CASKIN1: variants seen among roughly 807,000 people sequenced by gnomAD.
The protein encoded by CASKIN1 is caskin-1.
A neutral mutation model predicts 117.5 loss-of-function variants in CASKIN1; 42 were observed. The ratio of observed to expected loss-of-function variants is 0.36; its 90% CI spans 0.28 to 0.46. CASKIN1 has a LOEUF of 0.46. CASKIN1 is among the 20% of genes least tolerant of loss of function. The pLI is 1.00. For synonymous variants in CASKIN1, 1,148 were observed against 961.7 expected, an observed-to-expected ratio of 1.19 and a Z score of -3.59; for missense variants, 2,083 against 2,077.3, an observed-to-expected ratio of 1.00 and a Z score of -0.05.
intron 1 of CASKIN1, among the ~76,000 whole-genome samples, chr16:2,194,552 C>T (rs2093210408): frequency 6.6e-6 from 1 of 152,314 alleles, no homozygotes; most frequent in East Asian, 1.9e-4. Context: ...CCCCCCACCT[C>T]GTGGCCCAAA....
intron 16 of CASKIN1, among the ~76,000 whole-genome samples, chr16:2,183,008 C>T (rs2093172860): frequency 6.6e-6 from 1 of 152,192 alleles, no homozygotes; most frequent in South Asian, 2.1e-4. Context: ...AGGATGGTCT[C>T]GATCTCTTGA....
chr16:2,189,184 G>T (rs753026988), intron 5 of CASKIN1, 27 bp from the exon 6 acceptor site: 19 of 1,612,430 alleles, frequency 1.2e-5, no homozygotes, highest in Non-Finnish European at 1.6e-5. Context: ...GGGTAGGGGG[G>T]TCCTGATGTG....
chr16:2,184,779 T>G lies in CASKIN1; in HGVS notation c.1414A>C (p.Lys472Gln), dbSNP rs1032757225. ...GAGAACACCCCCAAGCCCTGTACCT[T>G]GCCCTCCGATGCTGGCTCCAGCTTC... ...PKKLEPASEG[K>Q]SSEAVSQWLT... Residue 472 changes from lysine to glutamine, a missense_variant and splice_region_variant, in exon 14 of 20, where the codon AAG becomes CAG. Physicochemically the swap from Lys to Gln is moderately conservative, Grantham distance 53. Coordinates refer to ENST00000343516, the MANE Select transcript of CASKIN1 (RefSeq NM_020764.4). 21 of 1,517,868 alleles carry G rather than the reference T, an allele frequency of 1.4e-5. No homozygotes were observed. In the African/African-American group the frequency reaches 2.8e-4, roughly 20 times the overall value. The allele number at this position is 1,517,868 out of a possible 1,614,324, so 94.0% of individuals were successfully genotyped here.
At position 2,190,698 on chromosome 16, in the gene CASKIN1, G is replaced by A. The variant is rs112912866; in HGVS notation, c.95-340C>T. Reference sequence around the variant, plus strand: ...ACATGTGCACGCACACCCCTCCCTCGGGACACTGGCTGAGCACCTGCCAAT... The same window carrying A: ...ACATGTGCACGCACACCCCTCCCTCAGGACACTGGCTGAGCACCTGCCAAT... On this transcript the variant is annotated intron_variant, in intron 1 of 19. Transcript: ENST00000343516. 1.3e-3 allele frequency among the ~76,000 whole-genome samples: 201 copies of A among 152,288 alleles called. 1 individual carries two copies. The highest frequency in any genetic ancestry group is 4.7e-3 in the African/African-American group (197 of 41,576).
intron 6 of CASKIN1, among the ~76,000 whole-genome samples, chr16:2,187,745 C>T (rs904833977): frequency 3.3e-5 from 5 of 152,172 alleles, no homozygotes; most frequent in South Asian, 2.1e-4. Context: ...CCTCAGCCTC[C>T]GGAGTAGCTG....
At chr16:2,187,644 G>A (rs8045282) in intron 6 of CASKIN1, among the ~76,000 whole-genome samples, 183 bp from the exon 7 acceptor site, 319 of 152,194 alleles carry the variant, frequency 2.1e-3, no homozygotes, top group African/African-American at 7.4e-3. Context: ...TTTTTGAGAC[G>A]GAGTTTCACC....
At position 2,179,285 on chromosome 16, in the gene CASKIN1, G is replaced by A; in HGVS notation, c.3816C>T (p.Pro1272=). 1 of 1,222,234 alleles carries A rather than the reference G, an allele frequency of 8.2e-7. No individual in the cohort carries two copies. Among genetic ancestry groups the A allele is most frequent in the South Asian group, 4.0e-5 (1 of 24,822 alleles). 75.7% of individuals were successfully genotyped at this position (1,222,234 alleles called of 1,614,324 possible). Reference sequence around the variant, plus strand: ...GCGCTGTGGGCGGCGGCGGCGGCTTGGGAGACACGGGCGGTGGCGTGCCGT... The same window carrying A: ...GCGCTGTGGGCGGCGGCGGCGGCTTAGGAGACACGGGCGGTGGCGTGCCGT... The part of the protein sequence containing the change: ...RAHGTPPPVS[P]KPPPPPTAPK... The change falls in exon 19 of 20, where the codon CCC becomes CCT. Residue 1272 remains proline, a synonymous_variant. Transcript: ENST00000343516. The surrounding 1 kb of genome is among the most constrained non-coding windows in gnomAD (Gnocchi z 5.8).
chr16:2,183,987 G>A (rs776770647), intron 14 of CASKIN1, 46 bp from the exon 15 acceptor site: 20 of 1,338,578 alleles, frequency 1.5e-5, no homozygotes, highest in African/African-American at 2.9e-5. Context: ...GCCCGGCCGC[G>A]CCCTGCCACC....
rs185182678 is a variant in CASKIN1 at position 2,184,903 on chromosome 16, C to T, written c.1325-35G>A. ...AGAGTGGGTGGGGGACAAGGGCTGT[C>T]GGGCTGCTTTCCTCCATCGGGCTGC... On this transcript the variant is annotated intron_variant, in intron 13 of 19. Coordinates refer to ENST00000343516, the MANE Select transcript of CASKIN1 (RefSeq NM_020764.4). 240 of 1,578,728 alleles carry T rather than the reference C, an allele frequency of 1.5e-4. No homozygotes were observed. The East Asian group carries it at 4.4e-3, about 29-fold the overall frequency.
intron 11 of CASKIN1, 53 bp downstream of exon 11, chr16:2,185,254 G>A (rs1596689817): frequency 1.7e-5 from 28 of 1,600,550 alleles, no homozygotes; most frequent in East Asian, 9.0e-5. Context: ...CTGGCCCCAC[G>A]GTGGTGCCTT....
chr16:2,194,874 G>A (rs2093211190), intron 1 of CASKIN1, among the ~76,000 whole-genome samples: 1 of 152,220 alleles, frequency 6.6e-6, no homozygotes, highest in Non-Finnish European at 1.5e-5. Flanking sequence ...GTCCAAGACT[G>A]CGGTCATTGC....
rs1001087704 is a variant in CASKIN1, at chr16:2,196,204, T to A, written c.94+135A>T. Reference sequence around the variant, plus strand: ...GCGGGTGGAGGGCACGGACCAAGGGTCTGGGCGCTGCTGGCCCCGCCCCGC... The same window carrying A: ...GCGGGTGGAGGGCACGGACCAAGGGACTGGGCGCTGCTGGCCCCGCCCCGC... On this transcript the variant is annotated intron_variant, in intron 1 of 19. Coordinates refer to ENST00000343516, the MANE Select transcript of CASKIN1 (RefSeq NM_020764.4). The surrounding 1 kb of genome is among the most constrained non-coding windows in gnomAD (Gnocchi z 5.7). The A allele has an allele frequency of 5.1e-5, 13 of 257,192 alleles. No individual in the cohort carries two copies. Among genetic ancestry groups the A allele is most frequent in the Non-Finnish European group, 9.3e-5 (13 of 140,522 alleles). The allele number at this position is 257,192 out of a possible 1,614,324, so 15.9% of individuals were successfully genotyped here. A position where few individuals can be genotyped will look rare whatever the true frequency, so the allele number is the denominator to read the frequency against.
At position 2,178,786 on chromosome 16, in the gene CASKIN1, A is replaced by ACGCCCATCTCTGCCGAGCCC. The variant is rs756029590; in HGVS notation, c.4199+96_4199+115dup. 1.2e-3 allele frequency: 1,551 copies of ACGCCCATCTCTGCCGAGCCC among 1,291,608 alleles called. 47 individuals carry two copies. Among genetic ancestry groups the ACGCCCATCTCTGCCGAGCCC allele is most frequent in the African/African-American group, 9.8e-3 (554 of 56,582 alleles). 80.0% of individuals were successfully genotyped at this position (1,291,608 alleles called of 1,614,324 possible). A position where few individuals can be genotyped will look rare whatever the true frequency, so the allele number is the denominator to read the frequency against. On this transcript the variant is annotated intron_variant, in intron 19 of 19. Transcript: ENST00000343516. ...ACCTCGGCGGAGCCCCGCTCACGGC[A>ACGCCCATCTCTGCCGAGCCC]CGCCCATCTCTGCCGAGCCCCGCCC... is the stretch of plus-strand genomic sequence containing the variant.
Position 2,180,255 on chromosome 16 carries a change from C to T in CASKIN1, c.3113G>A (p.Gly1038Asp). Residue 1038 changes from glycine to aspartate, a missense_variant, in exon 18 of 20, where the codon GGC becomes GAC. Physicochemically the swap from Gly to Asp is moderately conservative, Grantham distance 94. This residue lies in a region of CASKIN1 where 1,818 missense variants were observed against 1,688.9 expected (regional missense o/e 1.08). Coordinates refer to ENST00000343516, the MANE Select transcript of CASKIN1 (RefSeq NM_020764.4). ...TGAGGCCAGCACGGTGGCCACCCGG[C>T]CCGGCTCTGGGCTGGCAGGGCGGGG... Reference protein sequence around the residue: ...PTPRPASPEPGRVATVLASVK... With the variant: ...PTPRPASPEPDRVATVLASVK... 6.4e-7 allele frequency: 1 copy of T among 1,556,032 alleles called. No homozygotes were observed. The highest frequency in any genetic ancestry group is 8.7e-7 in the Non-Finnish European group (1 of 1,151,490).
rs763530861 is a variant in CASKIN1, at chr16:2,181,334, G to A, written c.2034C>T (p.Pro678=). 5.6e-6 allele frequency: 9 copies of A among 1,606,438 alleles called. No individual in the cohort carries two copies. The highest frequency in any genetic ancestry group is 3.3e-5 in the Admixed American group (2 of 59,720). Residue 678 remains proline (P), a synonymous_variant, in exon 18 of 20, where the codon CCC becomes CCT. Coordinates refer to ENST00000343516, the MANE Select transcript of CASKIN1 (RefSeq NM_020764.4). ...PAEVGPTTEK[P]SSHLPPTPRA... ...TCGGGGTGGGTGGCAGGTGGCTGGA[G>A]GGCTTCTCAGTGGTGGGCCCCACCT...
chr16:2,178,669 C>T (rs1567256626), intron 19 of CASKIN1, 23 bp from the exon 20 acceptor site: 3 of 1,564,576 alleles, frequency 1.9e-6, no homozygotes, highest in East Asian at 4.8e-5. Flanking sequence ...GGGCAAGGGG[C>T]GTGAGTGGGC....
chr16:2,181,834 G>A lies in CASKIN1; in HGVS notation c.1725C>T (p.Asp575=). The change falls in exon 17 of 20, where the codon GAC becomes GAT. Residue 575 remains aspartate, a synonymous_variant. Coordinates refer to ENST00000343516, the MANE Select transcript of CASKIN1 (RefSeq NM_020764.4). ...NGYENIDFIT[D]ITWEDLQEIG... is the part of the protein sequence containing the mutation. ...TCTCCTGCAGGTCCTCCCAGGTGAT[G>A]TCGGTGATGAAATCAATGTTCTCGT... 6.2e-7 allele frequency: 1 copy of A among 1,613,748 alleles called. No individual in the cohort carries two copies. Among genetic ancestry groups the A allele is most frequent in the South Asian group, 1.1e-5 (1 of 91,086 alleles).
rs545117496 is a variant in CASKIN1, at chr16:2,179,342, G to A, written c.3776-17C>T. ...GCTTCACCTCTGCGGGGAGGACCAC[G>A]CTGGCACCGAGCGGGCACGAGTTCC... is the stretch of plus-strand genomic sequence containing the variant. On this transcript the variant is annotated splice_polypyrimidine_tract_variant and intron_variant, in intron 18 of 19. Coordinates refer to ENST00000343516, the MANE Select transcript of CASKIN1 (RefSeq NM_020764.4). The surrounding 1 kb of genome is among the most constrained non-coding windows in gnomAD (Gnocchi z 5.8). The A allele has an allele frequency of 1.5e-3, 1,957 of 1,313,906 alleles. No individual in the cohort carries two copies. The highest frequency in any genetic ancestry group is 1.8e-3 in the Non-Finnish European group (1,817 of 1,037,070). 81.4% of individuals were successfully genotyped at this position (1,313,906 alleles called of 1,614,324 possible). A position where few individuals can be genotyped will look rare whatever the true frequency, so the allele number is the denominator to read the frequency against.
rs956818955 is a variant in CASKIN1 at position 2,196,232 on chromosome 16, C to T, written c.94+107G>A. 21 of 322,736 alleles carry T rather than the reference C, an allele frequency of 6.5e-5. No homozygotes were observed. Among genetic ancestry groups the T allele is most frequent in the African/African-American group, 4.7e-4 (21 of 44,676 alleles). The allele number at this position is 322,736 out of a possible 1,614,324, so 20.0% of individuals were successfully genotyped here. ...GGGCGCTGCTGGCCCCGCCCCGCCC[C>T]CGGGGACCCGACAACGTCCCCTCCC... On this transcript the variant is annotated intron_variant, in intron 1 of 19. Transcript: ENST00000343516. The surrounding 1 kb of genome is among the most constrained non-coding windows in gnomAD (Gnocchi z 5.7).
Sources: gnomAD v4.1 joint callset for allele counts (sites outside exome capture counted in the v4.1 genomes callset) on GRCh38, gnomAD v4.1.1 for gene constraint, gnomAD v4.1.1 regional missense constraint, Gnocchi (gnomAD v3.1) non-coding constraint, MANE v1.5 for transcripts, NCBI Gene and HGNC (gene_info 2026-07-23, HGNC 2026-07-21) for gene names.